FCF1: variants seen among roughly 807,000 people sequenced by gnomAD.
The protein encoded by FCF1 is rRNA-processing protein FCF1 homolog.
A neutral mutation model predicts 32.5 loss-of-function variants in FCF1; 17 were observed. That is an observed-to-expected ratio of 0.52 (90% confidence interval 0.36 to 0.78). The LOEUF is 0.78. FCF1 is among the 30% of genes least tolerant of loss of function. The probability of loss-of-function intolerance (pLI) is 0.00; values close to 1 mark genes in which losing one functional copy is unlikely to be tolerated. For missense variants in FCF1, 201 were observed against 241.1 expected, an observed-to-expected ratio of 0.83 and a Z score of 1.10; for synonymous variants, 84 against 78.4, an observed-to-expected ratio of 1.07 and a Z score of -0.38.
At chr14:74,715,617 G>T (rs1236239272) in intron 3 of FCF1, 2 of 380,266 alleles carry the variant, frequency 5.3e-6, no homozygotes, top group East Asian at 6.5e-5. Context: ...ACGTGTTGTT[G>T]TATCATTCTA....
At position 74,713,156 on chromosome 14, in the gene FCF1, C is replaced by A. The variant is rs745951568; in HGVS notation, c.-42C>A. ...GTATGTGAATGACGTAGAAGTATTGCGCCGTTGGTGATTACGGAAGAACCA... is the reference window on the plus strand; with the variant it reads ...GTATGTGAATGACGTAGAAGTATTGAGCCGTTGGTGATTACGGAAGAACCA... On this transcript the variant is annotated 5_prime_UTR_variant, in exon 1 of 8. Transcript: ENST00000341162. The A allele has an allele frequency of 5.6e-6, 9 of 1,614,144 alleles. No individual in the cohort carries two copies. The highest frequency in any genetic ancestry group is 1.6e-4 in the Middle Eastern group (1 of 6,062).
intron 3 of FCF1, among the ~76,000 whole-genome samples, chr14:74,715,412 G>T (rs915471422): frequency 4.6e-5 from 7 of 151,826 alleles, no homozygotes; most frequent in African/African-American, 1.7e-4. Flanking sequence ...ATTTTTCCCT[G>T]GATTGGTAAT....
intron 5 of FCF1, among the ~76,000 whole-genome samples, chr14:74,727,874 C>T (rs2090593969): frequency 6.6e-6 from 1 of 152,090 alleles, no homozygotes; most frequent in Non-Finnish European, 1.5e-5. Flanking sequence ...AATCCTTTCC[C>T]CATTGCTTTT....
At chr14:74,713,934 TTGTC>T (rs1418879789) in intron 2 of FCF1, among the ~76,000 whole-genome samples, 5 of 152,260 alleles carry the variant, frequency 3.3e-5, no homozygotes, top group East Asian at 3.9e-4. Flanking sequence ...GAGACCTTGT[TTGTC>T]TGGCGTTTCC....
At chr14:74,732,911 G>A in intron 6 of FCF1, 93 bp downstream of exon 6, 1 of 732,474 alleles carries the variant, frequency 1.4e-6, no homozygotes, top group Non-Finnish European at 2.3e-6. Context: ...AAACATCTAG[G>A]AATATACATT....
At chr14:74,719,468 T>G (rs1036502588) in intron 4 of FCF1, among the ~76,000 whole-genome samples, 1 of 151,520 alleles carries the variant, frequency 6.6e-6, no homozygotes, top group African/African-American at 2.4e-5. Flanking sequence ...AAAAAAATTT[T>G]TTTTAAATCA....
intron 2 of FCF1, 121 bp downstream of exon 2, chr14:74,713,673 A>G: frequency 1.3e-6 from 1 of 788,758 alleles, no homozygotes; most frequent in East Asian, 2.7e-5. Flanking sequence ...AGATTTATAT[A>G]GCATGAGATA....
At chr14:74,722,733 A>T (rs1011915673) in intron 4 of FCF1, among the ~76,000 whole-genome samples, 1 of 152,038 alleles carries the variant, frequency 6.6e-6, no homozygotes, top group Non-Finnish European at 1.5e-5. Flanking sequence ...CCAGGAGTTC[A>T]AGACAGCCTG....
chr14:74,714,892 A>C lies in FCF1; in HGVS notation c.92A>C (p.Lys31Thr). The change falls in exon 3 of 8, where the codon AAA becomes ACA. Residue 31 changes from lysine to threonine, a missense_variant. Transcript: ENST00000341162. The part of the protein sequence containing the change: ...DQRLKEKDRL[K>T]PKKKEKKDPS... ...CCTAGTAAAGAAAAGGATAGATTAA[A>C]ACCTAAAAAGAAAGAAAAGAAGGAT... 6.3e-7 allele frequency: 1 copy of C among 1,592,006 alleles called. No individual in the cohort carries two copies. Among genetic ancestry groups the C allele is most frequent in the South Asian group, 1.2e-5 (1 of 86,278 alleles).
rs1396845571 is a variant in FCF1, at chr14:74,734,889, A to G, written c.556A>G (p.Ile186Val). The change falls in exon 8 of 8, where the codon ATT becomes GTT. Residue 186 changes from isoleucine (I) to valine (V), a missense_variant. Physicochemically the swap from Ile to Val is conservative, Grantham distance 29. Transcript: ENST00000341162. ...IMYISNHRYNIERMPDDYGAP... is the reference protein window; with the variant it reads ...IMYISNHRYNVERMPDDYGAP... ...ATTTTTTGTCCTGATCAGATACAAC[A>G]TTGAACGGATGCCAGATGATTATGG... The G allele has an allele frequency of 1.2e-6, 2 of 1,613,774 alleles. No homozygotes were observed. Among genetic ancestry groups the G allele is most frequent in the African/African-American group, 1.3e-5 (1 of 74,912 alleles).
intron 2 of FCF1, 126 bp downstream of exon 2, chr14:74,713,678 G>A (rs771476721): frequency 1.4e-5 from 11 of 770,018 alleles, no homozygotes; most frequent in East Asian, 2.7e-5. Context: ...TATATAGCAT[G>A]AGATAGCCAG....
chr14:74,726,909 A>C (rs952987029), intron 5 of FCF1, among the ~76,000 whole-genome samples: 3 of 151,840 alleles, frequency 2.0e-5, no homozygotes, highest in Non-Finnish European at 2.9e-5. Flanking sequence ...TTCCAATTTC[A>C]TCCATGTCCC....
chr14:74,736,508 C>T lies in FCF1; in HGVS notation c.*1578C>T, dbSNP rs969524100. ...TTGAGTTCTGTTGTACAGTGTGGTGCCTATACTTAATAATGGGGTATTATA... is the reference window on the plus strand; with the variant it reads ...TTGAGTTCTGTTGTACAGTGTGGTGTCTATACTTAATAATGGGGTATTATA... On this transcript the variant is annotated 3_prime_UTR_variant, in exon 8 of 8. Transcript: ENST00000341162. The T allele has an allele frequency of 6.6e-6, 1 of 151,862 alleles. No homozygotes were observed. Among genetic ancestry groups the T allele is most frequent in the Non-Finnish European group, 1.5e-5 (1 of 67,986 alleles). 9.4% of individuals were successfully genotyped at this position (151,862 alleles called of 1,614,324 possible). A position where few individuals can be genotyped will look rare whatever the true frequency, so the allele number is the denominator to read the frequency against.
intron 4 of FCF1, among the ~76,000 whole-genome samples, chr14:74,718,927 C>T (rs569800835): frequency 8.1e-4 from 123 of 151,744 alleles, no homozygotes; most frequent in Non-Finnish European, 1.6e-3. Flanking sequence ...TTCAGGAGTT[C>T]GAGATCAGCC....
chr14:74,725,058 A>G (rs1330853601), intron 5 of FCF1, among the ~76,000 whole-genome samples: 1 of 143,078 alleles, frequency 7.0e-6, no homozygotes, highest in Non-Finnish European at 1.6e-5. Context: ...ATCTCGTGCT[A>G]TGGGTTCTGG....
intron 7 of FCF1, among the ~76,000 whole-genome samples, 196 bp from the exon 8 acceptor site, chr14:74,734,686 C>T (rs961240832): frequency 1.1e-4 from 17 of 152,154 alleles, no homozygotes; most frequent in African/African-American, 3.1e-4. Context: ...GACTTTGTGA[C>T]TTTGAAAAAA....
intron 4 of FCF1, 44 bp downstream of exon 4, chr14:74,716,143 A>C: frequency 6.4e-7 from 1 of 1,569,220 alleles, no homozygotes. Context: ...TGTTCAGAAT[A>C]ATTATATTTA....
intron 4 of FCF1, among the ~76,000 whole-genome samples, chr14:74,722,809 G>A (rs956621246): frequency 6.6e-6 from 1 of 151,578 alleles, no homozygotes; most frequent in Admixed American, 6.6e-5. Context: ...TGGGCATAGT[G>A]GTGCGTACCT....
At position 74,720,074 on chromosome 14, in the gene FCF1, A is replaced by G. The variant is rs1282636351; in HGVS notation, c.293-3198A>G. The stretch of plus-strand genomic sequence containing the variant: ...GGAAAATCGCTTGAACCCCAGAGGC[A>G]GAAATTGCAGTGAGCCAAGATCGTG... On this transcript the variant is annotated intron_variant, in intron 4 of 7. Coordinates refer to ENST00000341162, the MANE Select transcript of FCF1 (RefSeq NM_015962.5). 1.5e-4 allele frequency among the ~76,000 whole-genome samples: 23 copies of G among 152,316 alleles called. 1 individual carries two copies.
Sources: gnomAD v4.1 joint callset for allele counts (sites outside exome capture counted in the v4.1 genomes callset) on GRCh38, gnomAD v4.1.1 for gene constraint, MANE v1.5 for transcripts, NCBI Gene and HGNC (gene_info 2026-07-23, HGNC 2026-07-21) for gene names.